The following DPP6 variants were observed in gnomAD, a reference collection of about 807,000 sequenced individuals.
The protein encoded by DPP6 is A-type potassium channel modulatory protein DPP6.
Under a neutral mutation model 122.6 loss-of-function variants are expected in DPP6, and 69 were observed. That is an observed-to-expected ratio of 0.56 (90% CI 0.46 to 0.69). The LOEUF (loss-of-function observed/expected upper bound fraction) is 0.69, where lower values mean the gene tolerates loss of function less well. DPP6 is among the 30% of genes least tolerant of loss of function. The probability of loss-of-function intolerance (pLI) is 0.00; values close to 1 mark genes in which losing one functional copy is unlikely to be tolerated. For synonymous variants in DPP6, 418 were observed against 433.1 expected, an observed-to-expected ratio of 0.97 and a Z score of 0.43; for missense variants, 928 against 1,116.9, an observed-to-expected ratio of 0.83 and a Z score of 2.41.
chr7:154,322,428 G>A (rs1162793038), intron 1 of DPP6, among the ~76,000 whole-genome samples: 1 of 152,180 alleles, frequency 6.6e-6, no homozygotes, highest in Admixed American at 6.5e-5. Context: ...GGGCAAAAGA[G>A]TCAACTACCG....
At chr7:154,221,528 C>T (rs768725574) in intron 1 of DPP6, among the ~76,000 whole-genome samples, 34 of 152,184 alleles carry the variant, frequency 2.2e-4, no homozygotes, top group Non-Finnish European at 5.0e-4. Context: ...AGCCCCTCTC[C>T]TCCCCACCCA....
intron 1 of DPP6, among the ~76,000 whole-genome samples, chr7:154,332,197 G>A (rs1339620377): frequency 6.6e-6 from 1 of 151,636 alleles, no homozygotes; most frequent in Admixed American, 6.6e-5. Flanking sequence ...TCAGCTTCCT[G>A]AGTAGCTGGG....
At chr7:154,215,196 A>G (rs1053409083) in intron 1 of DPP6, among the ~76,000 whole-genome samples, 6 of 152,182 alleles carry the variant, frequency 3.9e-5, no homozygotes, top group Non-Finnish European at 8.8e-5. Context: ...GAAGCGAGGC[A>G]TGTTTTACAT....
intron 1 of DPP6, among the ~76,000 whole-genome samples, chr7:154,197,048 A>G (rs988038241): frequency 2.0e-5 from 3 of 151,668 alleles, no homozygotes; most frequent in African/African-American, 7.3e-5. Flanking sequence ...CCCTTTCTGA[A>G]TTTCCAGCCT....
chr7:154,783,180 T>TGGACTTTGCC (rs774347692), intron 10 of DPP6, among the ~76,000 whole-genome samples: 4 of 152,170 alleles, frequency 2.6e-5, no homozygotes, highest in Non-Finnish European at 4.4e-5. Context: ...CCTAATTGCA[T>TGGACTTTGCC]GGACTTTGCC....
chr7:154,760,481 A>G lies in DPP6; in HGVS notation c.884-8936A>G, dbSNP rs1474897908. On this transcript the variant is annotated intron_variant, in intron 8 of 25. Coordinates refer to ENST00000377770, the MANE Select transcript of DPP6 (RefSeq NM_130797.4). This position sits in a 1 kb window ranked among gnomAD's most constrained non-coding sequence, Gnocchi z 4.5. ...GCGGAGGGAGCGTCAGTGTTTCAGC[A>G]GGTTGTTTCTATTCTTGTCTGCCAT... is the stretch of plus-strand genomic sequence containing the variant. 1.3e-5 allele frequency among the ~76,000 whole-genome samples: 2 copies of G among 152,124 alleles called. No homozygotes were observed. Among genetic ancestry groups the G allele is most frequent in the Non-Finnish European group, 2.9e-5 (2 of 68,030 alleles).
chr7:154,613,968 G>A (rs1198931497), intron 5 of DPP6, among the ~76,000 whole-genome samples: 4 of 152,184 alleles, frequency 2.6e-5, no homozygotes, highest in Non-Finnish European at 5.9e-5. Flanking sequence ...AATCATTTCT[G>A]CTGCTTTCCG....
intron 1 of DPP6, among the ~76,000 whole-genome samples, chr7:154,166,473 AG>A (rs35165274): frequency 6.6e-6 from 1 of 152,088 alleles, no homozygotes; most frequent in East Asian, 1.9e-4. Context: ...GGCACCTGGC[AG>A]GGAGTGCTAG....
intron 10 of DPP6, among the ~76,000 whole-genome samples, chr7:154,778,984 C>T (rs1796792952): frequency 6.7e-6 from 1 of 149,418 alleles, no homozygotes; most frequent in African/African-American, 2.5e-5. Flanking sequence ...ACCATCACCT[C>T]CATCACCTCC....
intron 1 of DPP6, among the ~76,000 whole-genome samples, chr7:154,434,800 C>G (rs1818722744): frequency 6.6e-6 from 1 of 152,022 alleles, no homozygotes; most frequent in Non-Finnish European, 1.5e-5. Context: ...ATGTTCATGG[C>G]TGTTCCCAAG....
intron 8 of DPP6, among the ~76,000 whole-genome samples, chr7:154,737,911 C>G (rs1413843755): frequency 6.6e-6 from 1 of 152,212 alleles, no homozygotes; most frequent in Non-Finnish European, 1.5e-5. Context: ...CCCTCAGTTT[C>G]CTGGTCTGGA....
intron 3 of DPP6, among the ~76,000 whole-genome samples, chr7:154,516,295 A>T (rs924312956): frequency 2.0e-5 from 3 of 151,958 alleles, no homozygotes; most frequent in Non-Finnish European, 4.4e-5. Flanking sequence ...ACAGAAACAT[A>T]AAAAGAGAGG....
At chr7:154,027,215 T>G (rs1299813083) in intron 1 of DPP6, among the ~76,000 whole-genome samples, 1 of 151,296 alleles carries the variant, frequency 6.6e-6, no homozygotes, top group African/African-American at 2.4e-5. Context: ...GCTAGCTCAC[T>G]TCCCACCAGG....
At chr7:154,681,985 G>C (rs1191852827) in intron 7 of DPP6, among the ~76,000 whole-genome samples, 4 of 152,240 alleles carry the variant, frequency 2.6e-5, no homozygotes, top group Non-Finnish European at 5.9e-5. Context: ...GCATTGTGCA[G>C]AGTGTAGGTT....
chr7:154,490,275 G>A (rs781311469), intron 3 of DPP6, among the ~76,000 whole-genome samples: 61 of 152,232 alleles, frequency 4.0e-4, no homozygotes, highest in Non-Finnish European at 5.9e-5. Context: ...AAGTATCTGT[G>A]AAGGATGAGA....
At chr7:154,121,091 G>A (rs1807420482) in intron 1 of DPP6, among the ~76,000 whole-genome samples, 1 of 152,172 alleles carries the variant, frequency 6.6e-6, no homozygotes, top group African/African-American at 2.4e-5. Flanking sequence ...GCTCTGTGAA[G>A]GGGCGCCTTC....
At chr7:154,376,021 C>T (rs1020323999) in intron 1 of DPP6, among the ~76,000 whole-genome samples, 4 of 152,178 alleles carry the variant, frequency 2.6e-5, no homozygotes, top group Non-Finnish European at 5.9e-5. Flanking sequence ...CCCCACTGAC[C>T]CCACCACTGG....
At chr7:154,659,984 G>A (rs549375854) in intron 6 of DPP6, among the ~76,000 whole-genome samples, 25 of 152,224 alleles carry the variant, frequency 1.6e-4, no homozygotes, top group Non-Finnish European at 2.6e-4. Flanking sequence ...GCTGAAGGCC[G>A]TGTGATCCAC....
chr7:154,390,211 A>G (rs1025382157), intron 1 of DPP6, among the ~76,000 whole-genome samples: 3 of 152,172 alleles, frequency 2.0e-5, no homozygotes, highest in African/African-American at 7.2e-5. Context: ...TCATGTAGAG[A>G]AATAAAGGAA....
Sources: gnomAD v4.1 joint callset for allele counts (sites outside exome capture counted in the v4.1 genomes callset) on GRCh38, gnomAD v4.1.1 for gene constraint, Gnocchi (gnomAD v3.1) non-coding constraint, MANE v1.5 for transcripts, NCBI Gene and HGNC (gene_info 2026-07-23, HGNC 2026-07-21) for gene names.